DPYD: variants seen among roughly 807,000 people sequenced by gnomAD.
DPYD encodes the protein dihydropyrimidine dehydrogenase [NADP(+)].
In DPYD, 109 loss-of-function variants were observed where a neutral mutation model predicts 116.2. The observed-to-expected ratio is 0.94, with a 90% CI of 0.80 to 1.10. DPYD has a LOEUF of 1.10. Ranked by LOEUF, DPYD falls within the 50% of genes least tolerant of loss-of-function variation. The pLI, the probability that DPYD is intolerant of heterozygous loss-of-function variation, is 0.00. For missense variants in DPYD, 1,302 were observed against 1,254.5 expected (o/e 1.04, Z -0.57); for synonymous variants, 440 against 432.0 (o/e 1.02, Z -0.23).
chr1:97,584,697 C>T (rs1034568721), intron 10 of DPYD, among the ~76,000 whole-genome samples: 12 of 148,514 alleles, frequency 8.1e-5, no homozygotes, highest in East Asian at 2.0e-4. Context: ...ACTACCGCAA[C>T]GACAAAAAGC....
At chr1:97,847,052 G>C (rs1256103996) in intron 2 of DPYD, among the ~76,000 whole-genome samples, 1 of 152,146 alleles carries the variant, frequency 6.6e-6, no homozygotes, top group East Asian at 1.9e-4. Flanking sequence ...TTTTACCTAA[G>C]AATCAGTCAT....
At chr1:97,612,868 T>G (rs1656034516) in intron 8 of DPYD, among the ~76,000 whole-genome samples, 1 of 152,034 alleles carries the variant, frequency 6.6e-6, no homozygotes, top group Non-Finnish European at 1.5e-5. Flanking sequence ...TGTGCTTCTC[T>G]GAAATACTGA....
At chr1:97,615,418 T>C (rs1041680659) in intron 8 of DPYD, among the ~76,000 whole-genome samples, 1 of 152,128 alleles carries the variant, frequency 6.6e-6, no homozygotes, top group Admixed American at 6.6e-5. Flanking sequence ...CTGACCTTCA[T>C]GTAAAACATG....
At chr1:97,904,454 T>C (rs1673509580) in intron 1 of DPYD, among the ~76,000 whole-genome samples, 1 of 151,896 alleles carries the variant, frequency 6.6e-6, no homozygotes. Context: ...CCTCCCTTTA[T>C]TTGCCTAAAA....
intron 5 of DPYD, among the ~76,000 whole-genome samples, chr1:97,708,034 T>C (rs1366869675): frequency 6.6e-6 from 1 of 152,050 alleles, no homozygotes; most frequent in African/African-American, 2.4e-5. Context: ...GATGAGAGTC[T>C]CACTATGCTC....
intron 16 of DPYD, among the ~76,000 whole-genome samples, chr1:97,371,842 G>C (rs1671325863): frequency 6.6e-6 from 1 of 151,898 alleles, no homozygotes; most frequent in Non-Finnish European, 1.5e-5. Context: ...AAGTGAAATG[G>C]AAATGTTCCT....
At chr1:97,920,828 C>T (rs1674481210) in intron 1 of DPYD, 56 bp downstream of exon 1, 10 of 1,561,766 alleles carry the variant, frequency 6.4e-6, no homozygotes, top group East Asian at 2.4e-5. Flanking sequence ...GGCACCTACC[C>T]GCAGAGCACT....
chr1:97,119,618 A>C lies in DPYD; in HGVS notation c.2623-20986T>G, dbSNP rs564914967. Reference sequence around the variant, plus strand: ...GTGCAACTGCTGTGAGGATCCAGTAAAAGGTCTTCTCAGGATTTGTTTAAA... The same window carrying C: ...GTGCAACTGCTGTGAGGATCCAGTACAAGGTCTTCTCAGGATTTGTTTAAA... On this transcript the variant is annotated intron_variant, in intron 20 of 22. Transcript: ENST00000370192. Among the ~76,000 whole-genome samples, 6 of 152,216 alleles carry C rather than the reference A, an allele frequency of 3.9e-5. No individual in the cohort carries two copies. The South Asian group carries it at 6.2e-4, about 16-fold the overall frequency.
intron 3 of DPYD, among the ~76,000 whole-genome samples, chr1:97,824,062 G>A (rs745332434): frequency 6.6e-5 from 10 of 151,800 alleles, no homozygotes; most frequent in African/African-American, 1.2e-4. Flanking sequence ...TAAATAACAC[G>A]CAGAAGAACT....
intron 20 of DPYD, among the ~76,000 whole-genome samples, chr1:97,173,205 C>G (rs1351101318): frequency 4.4e-5 from 6 of 137,588 alleles, no homozygotes; most frequent in African/African-American, 7.8e-5. Flanking sequence ...TATATGTGTA[C>G]ATATATACAC....
intron 18 of DPYD, among the ~76,000 whole-genome samples, chr1:97,300,738 A>C (rs1027110167): frequency 1.3e-5 from 2 of 152,126 alleles, no homozygotes; most frequent in Admixed American, 6.6e-5. Context: ...CGTAATGCCC[A>C]GTAGCACAGT....
chr1:97,452,991 T>C (rs1676500838), intron 13 of DPYD, among the ~76,000 whole-genome samples: 1 of 152,076 alleles, frequency 6.6e-6, no homozygotes, highest in Non-Finnish European at 1.5e-5. Flanking sequence ...GCTAGTCCAT[T>C]TGTCTAGAAT....
chr1:97,406,450 T>C (rs1673663078), intron 14 of DPYD, among the ~76,000 whole-genome samples: 1 of 151,912 alleles, frequency 6.6e-6, no homozygotes, highest in African/African-American at 2.4e-5. Context: ...ATGTGCAGAA[T>C]GTGCAGGTTT....
intron 8 of DPYD, among the ~76,000 whole-genome samples, chr1:97,672,407 C>A (rs574300849): frequency 1.6e-3 from 250 of 152,228 alleles, no homozygotes; most frequent in African/African-American, 5.8e-3. Flanking sequence ...AATGAACTCT[C>A]AGCTGGAATT....
chr1:97,506,041 T>C (rs556943794), intron 13 of DPYD, among the ~76,000 whole-genome samples: 177 of 152,092 alleles, frequency 1.2e-3, no homozygotes, highest in African/African-American at 3.8e-3. Context: ...TGACACTTTA[T>C]TTCTCATGAC....
intron 3 of DPYD, among the ~76,000 whole-genome samples, chr1:97,785,537 G>GT (rs1260460684): frequency 6.6e-6 from 1 of 152,004 alleles, no homozygotes; most frequent in Non-Finnish European, 1.5e-5. Context: ...CTTCAATGCC[G>GT]TATGTTTTTA....
intron 20 of DPYD, among the ~76,000 whole-genome samples, chr1:97,134,617 G>A (rs902732670): frequency 1.3e-5 from 2 of 152,178 alleles, no homozygotes; most frequent in African/African-American, 4.8e-5. Context: ...CTTCCTTAAA[G>A]AGGGTGACCA....
intron 20 of DPYD, among the ~76,000 whole-genome samples, chr1:97,144,458 C>T (rs950885763): frequency 1.2e-4 from 18 of 152,176 alleles, no homozygotes; most frequent in African/African-American, 4.3e-4. Context: ...TCTGTTCCTG[C>T]TTTGGTGGTC....
chr1:97,536,272 A>G (rs1368015276), intron 12 of DPYD, among the ~76,000 whole-genome samples: 2 of 152,182 alleles, frequency 1.3e-5, no homozygotes, highest in Admixed American at 6.5e-5. Flanking sequence ...CACTATCTCA[A>G]ACTAAACCCA....
Sources: gnomAD v4.1 joint callset for allele counts (sites outside exome capture counted in the v4.1 genomes callset) on GRCh38, gnomAD v4.1.1 for gene constraint, MANE v1.5 for transcripts, NCBI Gene and HGNC (gene_info 2026-07-23, HGNC 2026-07-21) for gene names.